Variants in MROH1 observed in about 807,000 individuals in gnomAD.
The protein encoded by MROH1 is maestro heat-like repeat-containing protein family member 1.
In MROH1, 117 loss-of-function variants were observed where a neutral mutation model predicts 116.5. The observed-to-expected ratio is 1.00, with a 90% CI of 0.86 to 1.17. MROH1 has a LOEUF of 1.17. MROH1 is among the 50% of genes most tolerant of loss of function. MROH1 has a pLI of 0.00. For synonymous variants in MROH1, 921 were observed against 583.9 expected, an observed-to-expected ratio of 1.58 and a Z score of -8.32; for missense variants, 1,873 against 1,338.5, an observed-to-expected ratio of 1.40 and a Z score of -6.23.
chr8:144,187,506 A>T (rs138360415), intron 7 of MROH1, among the ~76,000 whole-genome samples: 1 of 152,376 alleles, frequency 6.6e-6, no homozygotes, highest in Admixed American at 6.5e-5. Context: ...AAAATTGTTT[A>T]TATAAAATCC....
rs1400512020 is a variant in MROH1 at position 144,260,845 on chromosome 8, G to C, written c.4536+13G>C. 1.3e-6 allele frequency: 1 copy of C among 777,844 alleles called. No homozygotes were observed. The highest frequency in any genetic ancestry group is 2.4e-5 in the East Asian group (1 of 41,248). The allele number at this position is 777,844 out of a possible 1,614,324, so 48.2% of individuals were successfully genotyped here. A position where few individuals can be genotyped will look rare whatever the true frequency, so the allele number is the denominator to read the frequency against. ...CACCGTGGCCAGCGTGAGTAGCCAG[G>C]GGGTGAGTGGGATGGGGTGGGTGGC... On this transcript the variant is annotated intron_variant, in intron 40 of 43. Transcript: ENST00000326134.
intron 1 of MROH1, chr8:144,148,545 G>C (rs921990313): frequency 6.6e-6 from 1 of 152,604 alleles, no homozygotes; most frequent in Non-Finnish European, 1.5e-5. Flanking sequence ...CCAAGCATAC[G>C]CCCGGAGCCT....
intron 28 of MROH1, 21 bp from the exon 29 acceptor site, chr8:144,245,135 T>G (rs1841673237): frequency 1.3e-6 from 1 of 778,684 alleles, no homozygotes; most frequent in African/African-American, 1.7e-5. Flanking sequence ...GCAGTACCTG[T>G]GTGACGCCCC....
Position 144,239,019 on chromosome 8 carries a change from C to A in MROH1, c.1447-16C>A. On this transcript the variant is annotated splice_polypyrimidine_tract_variant and intron_variant, in intron 15 of 43. Coordinates refer to ENST00000326134, the MANE Select transcript of MROH1 (RefSeq NM_032450.3). ...GCCCTCTGGGCGGATGCAGACCAGG[C>A]CCTCTGCTCCCCTAGGTCCTCTGGC... 1 of 777,112 alleles carries A rather than the reference C, an allele frequency of 1.3e-6. No homozygotes were observed. The highest frequency in any genetic ancestry group is 1.7e-5 in the Admixed American group (1 of 59,042). 48.1% of individuals were successfully genotyped at this position (777,112 alleles called of 1,614,324 possible).
chr8:144,185,883 G>A, intron 7 of MROH1, among the ~76,000 whole-genome samples: 1 of 141,544 alleles, frequency 7.1e-6, no homozygotes, highest in Admixed American at 7.1e-5. Flanking sequence ...AGGGACCGTG[G>A]GGGGATGGTG....
chr8:144,240,791 G>A (rs1478722581), intron 20 of MROH1, 114 bp downstream of exon 20: 3 of 688,148 alleles, frequency 4.4e-6, no homozygotes, highest in East Asian at 5.4e-5. Context: ...GCCTGGCAGA[G>A]CCTCCTTGTG....
rs1845118745 is a variant in MROH1, at chr8:144,261,710, G to A, written c.4896G>A (p.Glu1632=). The A allele has an allele frequency of 2.8e-6, 2 of 723,894 alleles. No homozygotes were observed. Among genetic ancestry groups the A allele is most frequent in the African/African-American group, 1.7e-5 (1 of 57,800 alleles). The allele number at this position is 723,894 out of a possible 1,614,324, so 44.8% of individuals were successfully genotyped here. A position where few individuals can be genotyped will look rare whatever the true frequency, so the allele number is the denominator to read the frequency against. Residue 1632 remains glutamate (E), a synonymous_variant, in exon 44 of 44, where the codon GAG becomes GAA. Transcript: ENST00000326134. ...PAPEVRTRAA[E]ALGRLVKLA ...CCGAGGTGCGGACGAGGGCTGCTGA[G>A]GCCCTGGGCCGCCTGGTGAAGCTCG...
chr8:144,177,000 G>A (rs577786133), intron 4 of MROH1, among the ~76,000 whole-genome samples: 1 of 152,244 alleles, frequency 6.6e-6, no homozygotes, highest in African/African-American at 2.4e-5. Flanking sequence ...AACACTCACG[G>A]ATGGGAAATC....
At chr8:144,253,805 G>A (rs1843232344) in intron 33 of MROH1, among the ~76,000 whole-genome samples, 1 of 152,046 alleles carries the variant, frequency 6.6e-6, no homozygotes, top group Non-Finnish European at 1.5e-5. Flanking sequence ...AGTGGAGTTT[G>A]CTCAGGTGTG....
At chr8:144,216,725 T>C (rs1408262841) in intron 12 of MROH1, among the ~76,000 whole-genome samples, 5 of 150,948 alleles carry the variant, frequency 3.3e-5, no homozygotes, top group Admixed American at 3.3e-4. Flanking sequence ...AGTCTTGCTG[T>C]GTCGCCCAGG....
intron 25 of MROH1, 92 bp downstream of exon 25, chr8:144,243,708 G>A (rs1841402207): frequency 1.3e-6 from 1 of 768,214 alleles, no homozygotes; most frequent in African/African-American, 1.7e-5. Context: ...GTGATAATGT[G>A]AAGACAGCCT....
intron 12 of MROH1, among the ~76,000 whole-genome samples, chr8:144,217,164 C>T (rs115669123): frequency 5.0e-4 from 76 of 152,182 alleles, no homozygotes; most frequent in African/African-American, 1.7e-3. Context: ...AAAAACGAAA[C>T]AAAATGATTG....
intron 12 of MROH1, among the ~76,000 whole-genome samples, chr8:144,215,220 CA>C (rs1834976944): frequency 6.6e-6 from 1 of 152,184 alleles, no homozygotes; most frequent in Non-Finnish European, 1.5e-5. Context: ...TTGGGAAATA[CA>C]AATACAGGTT....
At chr8:144,234,594 G>A (rs1839702132) in intron 14 of MROH1, among the ~76,000 whole-genome samples, 2 of 121,448 alleles carry the variant, frequency 1.6e-5, no homozygotes, top group Non-Finnish European at 3.2e-5. Context: ...TCGGCTCACT[G>A]CAGTCTCCAC....
intron 10 of MROH1, among the ~76,000 whole-genome samples, chr8:144,196,661 A>G (rs1238972019): frequency 2.6e-5 from 4 of 151,164 alleles, no homozygotes; most frequent in East Asian, 2.0e-4. Context: ...CCAGCCCCCT[A>G]TGCTTTTATT....
chr8:144,218,693 TCC>T (rs1835876368), intron 12 of MROH1, among the ~76,000 whole-genome samples: 1 of 15,886 alleles, frequency 6.3e-5, no homozygotes, highest in Non-Finnish European at 1.1e-4. Context: ...CTCCCCTCTC[TCC>T]TCCCCTCTCC....
chr8:144,173,590 T>G lies in MROH1; in HGVS notation c.168+5150T>G, dbSNP rs180857882. The stretch of plus-strand genomic sequence containing the variant: ...ACAGGTGCACGCCACCACACCTGTC[T>G]CATTTTTTTGTATTTTTAGTACAGG... On this transcript the variant is annotated intron_variant, in intron 4 of 43. Transcript: ENST00000326134. 2.4e-3 allele frequency among the ~76,000 whole-genome samples: 370 copies of G among 152,048 alleles called. 1 individual carries two copies. Among genetic ancestry groups the G allele is most frequent in the Non-Finnish European group, 4.3e-3 (293 of 67,996 alleles).
At position 144,219,914 on chromosome 8, in the gene MROH1, G is replaced by A. The variant is rs147234099; in HGVS notation, c.1142-686G>A. 7.1e-3 allele frequency among the ~76,000 whole-genome samples: 1,081 copies of A among 152,288 alleles called. 9 individuals are homozygous for A. The highest frequency in any genetic ancestry group is 0.024 in the African/African-American group (1,014 of 41,562). On this transcript the variant is annotated intron_variant, in intron 12 of 43. Coordinates refer to ENST00000326134, the MANE Select transcript of MROH1 (RefSeq NM_032450.3). ...GTCTAGCTCTGCCATTTGCTGCTCC[G>A]CAGTCCCTGGGGCCTCCAGTTCCTC... is the stretch of plus-strand genomic sequence containing the variant.
At position 144,179,059 on chromosome 8, in the gene MROH1, C is replaced by T. The variant is rs769573743; in HGVS notation, c.169-396C>T. ...CCGTTGGATACAAGCACTAGCCTAG[C>T]GGCAGAGACTGAGGCCATGACCACT... On this transcript the variant is annotated intron_variant, in intron 4 of 43. Coordinates refer to ENST00000326134, the MANE Select transcript of MROH1 (RefSeq NM_032450.3). 8.6e-5 allele frequency among the ~76,000 whole-genome samples: 13 copies of T among 151,990 alleles called. No homozygotes were observed. The South Asian group carries it at 1.7e-3, about 19-fold the overall frequency.
Sources: allele counts gnomAD v4.1 joint callset (sites outside exome capture counted in the v4.1 genomes callset), GRCh38; gene constraint gnomAD v4.1.1; transcripts MANE v1.5; gene names NCBI Gene and HGNC (gene_info 2026-07-23, HGNC 2026-07-21).